The following HIRA variants were observed in gnomAD, a reference collection of about 807,000 sequenced individuals.
HIRA encodes protein HIRA.
A neutral mutation model predicts 126.6 loss-of-function variants in HIRA; 13 were observed. The ratio of observed to expected loss-of-function variants is 0.10; its 90% CI spans 0.07 to 0.16. The LOEUF is 0.16. Ranked by LOEUF, HIRA falls within the 10% of genes least tolerant of loss-of-function variation. HIRA has a pLI of 1.00. For missense variants in HIRA, 834 were observed against 1,314.4 expected, an observed-to-expected ratio of 0.63 and a Z score of 5.65; for synonymous variants, 511 against 520.0, an observed-to-expected ratio of 0.98 and a Z score of 0.24.
rs561147743 is a variant in HIRA, at chr22:19,397,035, G to A, written c.494-88C>T. 45 of 1,275,638 alleles carry A rather than the reference G, an allele frequency of 3.5e-5. No individual in the cohort carries two copies. The South Asian group carries it at 5.5e-4, about 16-fold the overall frequency. 79.0% of individuals were successfully genotyped at this position (1,275,638 alleles called of 1,614,324 possible). ...GGCCATGGGATGGATATGCAAGAGA[G>A]GGGACTCAGCAGTCTGCCATGGCCA... On this transcript the variant is annotated intron_variant, in intron 6 of 24. Coordinates refer to ENST00000263208, the MANE Select transcript of HIRA (RefSeq NM_003325.4).
intron 15 of HIRA, among the ~76,000 whole-genome samples, chr22:19,364,659 C>A (rs563186678): frequency 6.6e-6 from 1 of 152,264 alleles, no homozygotes; most frequent in South Asian, 2.1e-4. Flanking sequence ...CAATAAATGG[C>A]GTTTATGTTC....
At chr22:19,396,720 T>TAC in intron 7 of HIRA, 67 bp downstream of exon 7, 1 of 1,552,438 alleles carries the variant, frequency 6.4e-7, no homozygotes, top group Non-Finnish European at 8.8e-7. Context: ...TCCCTCTCTG[T>TAC]ACACAGAAGT....
intron 13 of HIRA, among the ~76,000 whole-genome samples, chr22:19,380,975 C>T (rs117568898): frequency 4.6e-5 from 7 of 152,214 alleles, no homozygotes; most frequent in East Asian, 3.9e-4. Flanking sequence ...AAAATTCCTA[C>T]GGTTATTTGT....
chr22:19,408,711 T>C, intron 2 of HIRA, 118 bp from the exon 3 acceptor site: 2 of 631,558 alleles, frequency 3.2e-6, no homozygotes, highest in South Asian at 3.6e-5. Context: ...AATAATTAAC[T>C]AGATCTAAGG....
intron 14 of HIRA, 86 bp from the exon 15 acceptor site, chr22:19,375,878 A>T (rs1450294308): frequency 1.5e-6 from 2 of 1,364,874 alleles, no homozygotes; most frequent in African/African-American, 2.9e-5. Flanking sequence ...GAGCCTACTA[A>T]AAAAGGCACA....
chr22:19,334,151 A>G (rs1351123616), intron 24 of HIRA, among the ~76,000 whole-genome samples: 2 of 150,688 alleles, frequency 1.3e-5, no homozygotes, highest in African/African-American at 2.4e-5. Context: ...ATTTTTTTGT[A>G]TTTTTAGTAG....
intron 24 of HIRA, among the ~76,000 whole-genome samples, chr22:19,339,086 G>A (rs1381710575): frequency 2.6e-5 from 4 of 151,976 alleles, no homozygotes; most frequent in African/African-American, 7.3e-5. Context: ...TAAGAAAATC[G>A]AAATTATATC....
chr22:19,418,652 T>C (rs984981599), intron 1 of HIRA, among the ~76,000 whole-genome samples: 6 of 151,868 alleles, frequency 4.0e-5, no homozygotes. Context: ...AAAAAATATA[T>C]AAAAATTGTT....
intron 21 of HIRA, among the ~76,000 whole-genome samples, chr22:19,355,239 C>A (rs2088800160): frequency 6.6e-6 from 1 of 152,080 alleles, no homozygotes; most frequent in Non-Finnish European, 1.5e-5. Context: ...ACATAATTCA[C>A]GTGTCTGGGT....
intron 13 of HIRA, 138 bp downstream of exon 13, chr22:19,383,482 C>T: frequency 1.4e-6 from 1 of 704,224 alleles, no homozygotes. Flanking sequence ...GGAAGCTGAG[C>T]TTCACTTCCT....
At chr22:19,386,652 T>C (rs370853980) in intron 11 of HIRA, among the ~76,000 whole-genome samples, 42 of 152,308 alleles carry the variant, frequency 2.8e-4, no homozygotes, top group African/African-American at 9.1e-4. Context: ...ATTCAGTGTT[T>C]GGCCAGGGTT....
At chr22:19,359,146 T>A (rs1366969830) in intron 18 of HIRA, among the ~76,000 whole-genome samples, 190 bp downstream of exon 18, 2 of 152,174 alleles carry the variant, frequency 1.3e-5, no homozygotes, top group Non-Finnish European at 2.9e-5. Context: ...ATACTGATGC[T>A]GACCTTGCTG....
chr22:19,351,462 CA>C lies in HIRA; in HGVS notation c.2849-17del. 1.9e-6 allele frequency: 3 copies of C among 1,577,904 alleles called. No individual in the cohort carries two copies. Among genetic ancestry groups the C allele is most frequent in the Non-Finnish European group, 2.6e-6 (3 of 1,152,574 alleles). ...TATTCAAACCCTAATTACAGAAAAA[CA>C]AACAAACAACAACAACAAAAAACAA... On this transcript the variant is annotated splice_polypyrimidine_tract_variant and intron_variant, in intron 23 of 24. Coordinates refer to ENST00000263208, the MANE Select transcript of HIRA (RefSeq NM_003325.4). This position sits in a 1 kb window ranked among gnomAD's most constrained non-coding sequence, Gnocchi z 4.8.
chr22:19,356,757 C>T (rs2088816071), intron 19 of HIRA, 133 bp downstream of exon 19: 1 of 854,026 alleles, frequency 1.2e-6, no homozygotes, highest in Non-Finnish European at 1.8e-6. Context: ...ATATCACTAA[C>T]TGCTCAGGGC....
intron 6 of HIRA, among the ~76,000 whole-genome samples, 175 bp downstream of exon 6, chr22:19,397,817 C>T (rs1428408702): frequency 6.6e-6 from 1 of 152,182 alleles, no homozygotes; most frequent in African/African-American, 2.4e-5. Flanking sequence ...AAGCATGAAT[C>T]TCTTTTTAAA....
chr22:19,358,857 TG>T (rs2088837683), intron 18 of HIRA, among the ~76,000 whole-genome samples: 1 of 152,144 alleles, frequency 6.6e-6, no homozygotes, highest in South Asian at 2.1e-4. Context: ...GGGAAGATAC[TG>T]GGTGACTAAT....
chr22:19,358,480 CAG>C (rs1186825225), intron 18 of HIRA, among the ~76,000 whole-genome samples: 2 of 152,122 alleles, frequency 1.3e-5, no homozygotes, highest in East Asian at 1.9e-4. Context: ...AGGGGAGGGA[CAG>C]AGAGTGGGAG....
chr22:19,369,127 C>T (rs1417242289), intron 15 of HIRA, among the ~76,000 whole-genome samples: 2 of 152,200 alleles, frequency 1.3e-5, no homozygotes, highest in Non-Finnish European at 2.9e-5. Context: ...TGGGCTCCAT[C>T]CTAGGTTCTG....
At chr22:19,334,122 C>T (rs992583000) in intron 24 of HIRA, among the ~76,000 whole-genome samples, 7 of 151,618 alleles carry the variant, frequency 4.6e-5, no homozygotes, top group African/African-American at 1.5e-4. Flanking sequence ...CTACAGGCGC[C>T]GGCCAGCACG....
Sources: allele counts gnomAD v4.1 joint callset (sites outside exome capture counted in the v4.1 genomes callset), GRCh38; gene constraint gnomAD v4.1.1; non-coding constraint Gnocchi (gnomAD v3.1); transcripts MANE v1.5; gene names NCBI Gene and HGNC (gene_info 2026-07-23, HGNC 2026-07-21).